CSRNP3: variants seen among roughly 807,000 people sequenced by gnomAD.
CSRNP3 encodes cysteine/serine-rich nuclear protein 3.
A neutral mutation model predicts 48.0 loss-of-function variants in CSRNP3; 12 were observed. The observed-to-expected ratio is 0.25, with a 90% CI of 0.16 to 0.41. The LOEUF is 0.41. Among genes scored for constraint, CSRNP3 ranks in the 10% least tolerant of loss-of-function variants. The pLI is 1.00. For synonymous variants in CSRNP3, 263 were observed against 269.7 expected, an observed-to-expected ratio of 0.98 and a Z score of 0.24; for missense variants, 580 against 724.4, an observed-to-expected ratio of 0.80 and a Z score of 2.29.
intron 3 of CSRNP3, among the ~76,000 whole-genome samples, chr2:165,570,917 TC>T (rs1287308041): frequency 2.0e-5 from 3 of 152,072 alleles, no homozygotes; most frequent in African/African-American, 7.2e-5. Flanking sequence ...ACATTCTAGA[TC>T]AATGCTAACC....
rs865891931 is a variant in CSRNP3, at chr2:165,678,953, G to A, written c.958G>A (p.Glu320Lys). 1 of 1,614,016 alleles carries A rather than the reference G, an allele frequency of 6.2e-7. No individual in the cohort carries two copies. Among genetic ancestry groups the A allele is most frequent in the Non-Finnish European group, 8.5e-7 (1 of 1,179,992 alleles). ...TTCAATCGCAGACAGTTTTGAGATT[G>A]AAACTGAGCCCCAGGCTGCAGTGCT... is the stretch of plus-strand genomic sequence containing the variant. ...EYSIADSFEI[E>K]TEPQAAVLHL... is the part of the protein sequence containing the mutation. The change falls in exon 7 of 7, where the codon GAA becomes AAA. Residue 320 changes from glutamate to lysine, a missense_variant. Physicochemically the swap from Glu to Lys is moderately conservative, Grantham distance 56. Transcript: ENST00000651982.
intron 3 of CSRNP3, among the ~76,000 whole-genome samples, chr2:165,522,915 G>A (rs1316257582): frequency 6.6e-6 from 1 of 151,906 alleles, no homozygotes; most frequent in Non-Finnish European, 1.5e-5. Context: ...GCAGATTTAT[G>A]GTGTTCTAAT....
chr2:165,667,603 T>C (rs1687256823), intron 5 of CSRNP3, among the ~76,000 whole-genome samples: 1 of 152,036 alleles, frequency 6.6e-6, no homozygotes, highest in Non-Finnish European at 1.5e-5. Flanking sequence ...AACAGCGGAG[T>C]CCTCTTTCGC....
At chr2:165,670,898 T>G (rs538213037) in intron 5 of CSRNP3, among the ~76,000 whole-genome samples, 1 of 151,924 alleles carries the variant, frequency 6.6e-6, no homozygotes, top group South Asian at 2.1e-4. Flanking sequence ...ATTATTTTTT[T>G]GAAAAAAAAA....
chr2:165,659,182 G>A (rs1461571393), intron 5 of CSRNP3, among the ~76,000 whole-genome samples: 2 of 152,156 alleles, frequency 1.3e-5, no homozygotes, highest in Non-Finnish European at 2.9e-5. Context: ...GAGACGGGAT[G>A]GAATATATGA....
chr2:165,673,131 CT>C (rs3032370), intron 5 of CSRNP3, among the ~76,000 whole-genome samples: 1,435 of 66,998 alleles, frequency 0.021, 12 homozygotes, highest in African/African-American at 0.055. Flanking sequence ...GTATGTAGCT[CT>C]TTTTTTTTTT....
intron 1 of CSRNP3, among the ~76,000 whole-genome samples, chr2:165,484,617 A>T (rs1461876083): frequency 6.6e-6 from 1 of 152,194 alleles, no homozygotes; most frequent in African/African-American, 2.4e-5. Context: ...ATTGTTTATG[A>T]TCACTTTTGC....
chr2:165,638,343 C>T (rs982269668), intron 4 of CSRNP3, among the ~76,000 whole-genome samples: 3 of 152,132 alleles, frequency 2.0e-5, no homozygotes, highest in Admixed American at 2.0e-4. Flanking sequence ...TGCCTGTAGT[C>T]CCAGCTACTC....
At chr2:165,546,779 T>C (rs1456337138) in intron 3 of CSRNP3, among the ~76,000 whole-genome samples, 1 of 152,176 alleles carries the variant, frequency 6.6e-6, no homozygotes, top group Non-Finnish European at 1.5e-5. Context: ...AAAGGAGGGA[T>C]TTAAACTATG....
Position 165,688,369 on chromosome 2 carries a change from T to G in CSRNP3, c.*8616T>G, listed in dbSNP as rs1687664581. On this transcript the variant is annotated 3_prime_UTR_variant, in exon 7 of 7. Coordinates refer to ENST00000651982, the MANE Select transcript of CSRNP3 (RefSeq NM_001172173.2). ...TACTAGCCTCTTAAGATAGAACTTTTAATACATATGTACTGGTTAATGCCT... is the reference window on the plus strand; with the variant it reads ...TACTAGCCTCTTAAGATAGAACTTTGAATACATATGTACTGGTTAATGCCT... 1 of 152,182 alleles carries G rather than the reference T, an allele frequency of 6.6e-6. No homozygotes were observed. Among genetic ancestry groups the G allele is most frequent in the African/African-American group, 2.4e-5 (1 of 41,454 alleles). 9.4% of individuals were successfully genotyped at this position (152,182 alleles called of 1,614,324 possible). A position where few individuals can be genotyped will look rare whatever the true frequency, so the allele number is the denominator to read the frequency against.
intron 3 of CSRNP3, among the ~76,000 whole-genome samples, chr2:165,521,473 C>T (rs1202189631): frequency 6.6e-6 from 1 of 152,178 alleles, no homozygotes; most frequent in Non-Finnish European, 1.5e-5. Flanking sequence ...TCATTTGCAA[C>T]TCTGTACCAC....
intron 1 of CSRNP3, among the ~76,000 whole-genome samples, chr2:165,491,829 T>A (rs1344924969): frequency 8.0e-6 from 1 of 125,566 alleles, no homozygotes; most frequent in South Asian, 3.1e-4. Flanking sequence ...AGGGATAGCA[T>A]TGGGAGATAT....
chr2:165,651,102 G>T (rs1686895007), intron 4 of CSRNP3, among the ~76,000 whole-genome samples: 1 of 152,188 alleles, frequency 6.6e-6, no homozygotes, highest in South Asian at 2.1e-4. Context: ...TTGCCCTGTG[G>T]TGGAATTGGT....
At chr2:165,642,065 T>A (rs1178597951) in intron 4 of CSRNP3, among the ~76,000 whole-genome samples, 2 of 151,398 alleles carry the variant, frequency 1.3e-5, no homozygotes, top group Non-Finnish European at 2.9e-5. Context: ...TTGGGATGTT[T>A]CTATGCATCC....
At chr2:165,514,818 C>A (rs556184087) in intron 2 of CSRNP3, among the ~76,000 whole-genome samples, 44 of 152,328 alleles carry the variant, frequency 2.9e-4, no homozygotes, top group Middle Eastern at 6.8e-3. Flanking sequence ...TCCAGAGTAG[C>A]TGAGGTTACA....
In CSRNP3 at chr2:165,592,427, G is replaced by A. The variant is rs369856266; in HGVS notation, c.-23-2616G>A. 5.9e-5 allele frequency among the ~76,000 whole-genome samples: 9 copies of A among 152,246 alleles called. No homozygotes were observed. In the South Asian group the frequency reaches 6.2e-4, roughly 11 times the overall value. ...AATGAGCCTAGACCTTAGGGGGGCC[G>A]TTGGAAAGCCATGATTGTGTTTTGA... On this transcript the variant is annotated intron_variant, in intron 3 of 6. Coordinates refer to ENST00000651982, the MANE Select transcript of CSRNP3 (RefSeq NM_001172173.2).
At chr2:165,482,882 A>G (rs1264913220) in intron 1 of CSRNP3, among the ~76,000 whole-genome samples, 1 of 152,048 alleles carries the variant, frequency 6.6e-6, no homozygotes, top group Non-Finnish European at 1.5e-5. Context: ...TTCTGCATCC[A>G]TCTTTACCTT....
intron 3 of CSRNP3, among the ~76,000 whole-genome samples, chr2:165,565,995 TGACA>T (rs1332928414): frequency 2.0e-5 from 3 of 151,968 alleles, no homozygotes; most frequent in African/African-American, 4.8e-5. Context: ...AAGTTAACTG[TGACA>T]GACAGAATCG....
intron 2 of CSRNP3, among the ~76,000 whole-genome samples, chr2:165,501,374 G>A (rs986191408): frequency 5.3e-5 from 8 of 152,114 alleles, no homozygotes; most frequent in African/African-American, 1.9e-4. Flanking sequence ...GAAGAATGGA[G>A]TCCAAAAAGG....
Sources: gnomAD v4.1 joint callset for allele counts (sites outside exome capture counted in the v4.1 genomes callset) on GRCh38, gnomAD v4.1.1 for gene constraint, MANE v1.5 for transcripts, NCBI Gene and HGNC (gene_info 2026-07-23, HGNC 2026-07-21) for gene names.